SPAG16: variants seen among roughly 807,000 people sequenced by gnomAD.
SPAG16 encodes sperm associated antigen 16.
Under a neutral mutation model 80.4 loss-of-function variants are expected in SPAG16, and 86 were observed. That is an observed-to-expected ratio of 1.07 (90% CI 0.90 to 1.28). The LOEUF (loss-of-function observed/expected upper bound fraction) is 1.28, where lower values mean the gene tolerates loss of function less well. Among genes scored for constraint, SPAG16 ranks in the 50% most tolerant of loss-of-function variants. The probability of loss-of-function intolerance (pLI) is 0.00; values close to 1 mark genes in which losing one functional copy is unlikely to be tolerated. For missense variants in SPAG16, 870 were observed against 765.3 expected, an observed-to-expected ratio of 1.14 and a Z score of -1.61; for synonymous variants, 294 against 265.9, an observed-to-expected ratio of 1.11 and a Z score of -1.03.
At chr2:213,589,330 T>G (rs566765406) in intron 10 of SPAG16, among the ~76,000 whole-genome samples, 1 of 152,356 alleles carries the variant, frequency 6.6e-6, no homozygotes, top group East Asian at 1.9e-4. Context: ...TTGAAGTATT[T>G]TGTTAACAAT....
chr2:214,161,373 T>G (rs10153855), intron 15 of SPAG16, among the ~76,000 whole-genome samples: 149,786 of 152,242 alleles, frequency 0.98, 73,728 homozygotes, highest in Middle Eastern at 1. Flanking sequence ...CTGAGAAACT[T>G]CCACATCATC....
At chr2:213,950,609 G>T (rs1263018639) in intron 12 of SPAG16, among the ~76,000 whole-genome samples, 1 of 150,714 alleles carries the variant, frequency 6.6e-6, no homozygotes, top group Non-Finnish European at 1.5e-5. Flanking sequence ...GCCATAGTTT[G>T]TTTGCTTGCT....
chr2:214,012,286 A>ATTTT lies in SPAG16; in HGVS notation c.1401-1664_1401-1663insTTTT, dbSNP rs1162955315. Among the ~76,000 whole-genome samples the ATTTT allele has an allele frequency of 2.5e-3, 140 of 54,916 alleles. 2 individuals carry two copies. The highest frequency in any genetic ancestry group is 0.013 in the East Asian group (23 of 1,808). 36.0% of individuals were successfully genotyped at this position (54,916 alleles called of 152,430 possible). The stretch of plus-strand genomic sequence containing the variant: ...TATATATATATATATATATATATAT[A>ATTTT]TATTTTTTTTTTTTTTTTTTTTTCC... On this transcript the variant is annotated intron_variant, in intron 12 of 15. Transcript: ENST00000331683.
intron 15 of SPAG16, among the ~76,000 whole-genome samples, chr2:214,396,389 C>T (rs1701383145): frequency 6.6e-6 from 1 of 151,908 alleles, no homozygotes; most frequent in South Asian, 2.1e-4. Flanking sequence ...TTTTAGAATA[C>T]TTTGTGCTTC....
intron 15 of SPAG16, among the ~76,000 whole-genome samples, chr2:214,295,810 G>T (rs1481221643): frequency 6.6e-6 from 1 of 151,934 alleles, no homozygotes; most frequent in East Asian, 1.9e-4. Context: ...GAAAAGAAGG[G>T]ATATGAGATT....
chr2:213,645,164 A>G (rs1202175070), intron 10 of SPAG16, among the ~76,000 whole-genome samples: 2 of 152,148 alleles, frequency 1.3e-5, no homozygotes, highest in South Asian at 2.1e-4. Flanking sequence ...CTGCCAGACT[A>G]CAAGCCAATG....
At chr2:214,047,125 A>T (rs190602165) in intron 13 of SPAG16, among the ~76,000 whole-genome samples, 83 of 152,300 alleles carry the variant, frequency 5.4e-4, no homozygotes, top group Non-Finnish European at 4.9e-4. Flanking sequence ...CAATCTACAG[A>T]TTCAATGCAA....
At chr2:213,781,299 A>G (rs1024170652) in intron 10 of SPAG16, among the ~76,000 whole-genome samples, 2 of 152,148 alleles carry the variant, frequency 1.3e-5, no homozygotes, top group African/African-American at 4.8e-5. Context: ...CTTATATAGA[A>G]TATTTTTGTC....
intron 12 of SPAG16, among the ~76,000 whole-genome samples, chr2:213,933,724 T>C (rs1318134717): frequency 6.6e-6 from 1 of 152,188 alleles, no homozygotes; most frequent in African/African-American, 2.4e-5. Context: ...GATAAATCTG[T>C]GGCCCTTATT....
At chr2:214,040,252 A>G (rs1001533014) in intron 13 of SPAG16, among the ~76,000 whole-genome samples, 3 of 152,088 alleles carry the variant, frequency 2.0e-5, no homozygotes, top group African/African-American at 7.2e-5. Flanking sequence ...TTGCTTTAGA[A>G]GTGTAGTTGA....
At chr2:213,672,867 T>G (rs1289073106) in intron 10 of SPAG16, among the ~76,000 whole-genome samples, 1 of 149,784 alleles carries the variant, frequency 6.7e-6, no homozygotes. Flanking sequence ...TTGTTTTTTT[T>G]TTTTTTTTTG....
chr2:214,010,330 G>A lies in SPAG16; in HGVS notation c.1401-3621G>A, dbSNP rs1439885312. 2.1e-5 allele frequency among the ~76,000 whole-genome samples: 3 copies of A among 145,840 alleles called. 1 individual carries two copies. The highest frequency in any genetic ancestry group is 6.7e-5 in the Admixed American group (1 of 14,942). On this transcript the variant is annotated intron_variant, in intron 12 of 15. Transcript: ENST00000331683. ...AAATATTAAACGTAAAGGCAAATTA[G>A]ACAAAAAAGGACATAGTGTTTCTAA...
rs1279864980 is a variant in SPAG16, at chr2:213,365,913, C to T, written c.832+1768C>T. Among the ~76,000 whole-genome samples, 17 of 150,496 alleles carry T rather than the reference C, an allele frequency of 1.1e-4. 1 individual carries two copies. Among genetic ancestry groups the T allele is most frequent in the Admixed American group, 2.6e-4 (4 of 15,172 alleles). On this transcript the variant is annotated intron_variant, in intron 8 of 15. Transcript: ENST00000331683. The stretch of plus-strand genomic sequence containing the variant: ...ATCCCAGCACTTTGGGAGGCTGAGG[C>T]GGGCGGATCACGAGGTCAGGAGATC...
intron 15 of SPAG16, among the ~76,000 whole-genome samples, chr2:214,356,880 C>G (rs1698841445): frequency 6.6e-6 from 1 of 152,102 alleles, no homozygotes; most frequent in South Asian, 2.1e-4. Flanking sequence ...TCTTCTATCT[C>G]ATACCTTTCT....
chr2:213,331,414 C>A (rs1297709781), intron 5 of SPAG16, among the ~76,000 whole-genome samples: 2 of 152,134 alleles, frequency 1.3e-5, no homozygotes, highest in South Asian at 4.1e-4. Flanking sequence ...TATATATGCA[C>A]CCAACACTGG....
intron 10 of SPAG16, among the ~76,000 whole-genome samples, chr2:213,615,975 G>A (rs796991845): frequency 2.0e-5 from 3 of 151,954 alleles, no homozygotes; most frequent in South Asian, 2.1e-4. Flanking sequence ...TGGGTTGATG[G>A]GTACAGCAAA....
At chr2:213,922,429 A>G (rs540904926) in intron 11 of SPAG16, among the ~76,000 whole-genome samples, 25 of 152,152 alleles carry the variant, frequency 1.6e-4, no homozygotes, top group African/African-American at 5.8e-4. Flanking sequence ...CTCCTGTATC[A>G]TTTTACTGTG....
chr2:214,400,839 C>G (rs377034069), intron 15 of SPAG16, among the ~76,000 whole-genome samples: 2 of 151,952 alleles, frequency 1.3e-5, no homozygotes, highest in East Asian at 3.8e-4. Flanking sequence ...TCCCTTCCTT[C>G]TCTGTTACCA....
At chr2:214,238,748 A>G (rs1689247825) in intron 15 of SPAG16, 2 of 151,476 alleles carry the variant, frequency 1.3e-5, no homozygotes, top group African/African-American at 2.4e-5. Flanking sequence ...TAAAAATGTA[A>G]TTCTTGAAGC....
Sources: allele counts gnomAD v4.1 joint callset (sites outside exome capture counted in the v4.1 genomes callset), GRCh38; gene constraint gnomAD v4.1.1; transcripts MANE v1.5; gene names NCBI Gene and HGNC (gene_info 2026-07-23, HGNC 2026-07-21).